The following VWC2 variants were observed in gnomAD, a reference collection of about 807,000 sequenced individuals.
The protein encoded by VWC2 is brorin.
In VWC2, 14 loss-of-function variants were observed where a neutral mutation model predicts 29.8. The ratio of observed to expected loss-of-function variants is 0.47; its 90% CI spans 0.31 to 0.74. The LOEUF (loss-of-function observed/expected upper bound fraction) is 0.74, where lower values mean the gene tolerates loss of function less well. Among genes scored for constraint, VWC2 ranks in the 30% least tolerant of loss-of-function variants. The pLI, the probability that VWC2 is intolerant of heterozygous loss-of-function variation, is 0.05. For missense variants in VWC2, 457 were observed against 459.8 expected, an observed-to-expected ratio of 0.99 and a Z score of 0.05; for synonymous variants, 213 against 199.0, an observed-to-expected ratio of 1.07 and a Z score of -0.59.
At chr7:49,827,044 A>G (rs1789410388) in intron 3 of VWC2, among the ~76,000 whole-genome samples, 1 of 152,134 alleles carries the variant, frequency 6.6e-6, no homozygotes, top group South Asian at 2.1e-4. Context: ...ATACATAAGA[A>G]TACACATTTC....
chr7:49,856,541 T>C (rs77905121), intron 3 of VWC2, among the ~76,000 whole-genome samples: 6,791 of 152,302 alleles, frequency 0.045, 149 homozygotes, highest in African/African-American at 0.055. Context: ...CAGCAGGATT[T>C]CCTTTTCCCC....
chr7:49,854,485 G>A (rs1790333012), intron 3 of VWC2, among the ~76,000 whole-genome samples: 1 of 152,126 alleles, frequency 6.6e-6, no homozygotes. Flanking sequence ...ATTTTTTCAT[G>A]TGTCTGTTGG....
At chr7:49,872,287 A>G (rs1791190382) in intron 3 of VWC2, among the ~76,000 whole-genome samples, 1 of 152,116 alleles carries the variant, frequency 6.6e-6, no homozygotes, top group Non-Finnish European at 1.5e-5. Flanking sequence ...GATTTTTGAG[A>G]AAAAAGTTAA....
intron 2 of VWC2, among the ~76,000 whole-genome samples, chr7:49,791,438 T>G (rs536297696): frequency 6.6e-6 from 1 of 152,360 alleles, no homozygotes; most frequent in Non-Finnish European, 1.5e-5. Flanking sequence ...AAGTGGTATG[T>G]GCAGACAGGG....
At chr7:49,779,585 A>AT (rs11454792) in intron 2 of VWC2, among the ~76,000 whole-genome samples, 54,947 of 147,828 alleles carry the variant, frequency 0.37, 10,608 homozygotes, top group African/African-American at 0.49. Flanking sequence ...CTATTGGCTT[A>AT]TTTTTTTTTT....
chr7:49,906,161 T>G (rs1583806944), intron 3 of VWC2, among the ~76,000 whole-genome samples: 1 of 152,164 alleles, frequency 6.6e-6, no homozygotes, highest in East Asian at 1.9e-4. Context: ...TGCTTTCACT[T>G]TACTCTATGG....
intron 3 of VWC2, among the ~76,000 whole-genome samples, chr7:49,866,096 TC>T (rs1790872473): frequency 1.3e-5 from 2 of 152,236 alleles, no homozygotes; most frequent in African/African-American, 4.8e-5. Flanking sequence ...GTTTCATTCT[TC>T]CATCCAGCAA....
chr7:49,802,390 C>A (rs2128705892), intron 2 of VWC2, among the ~76,000 whole-genome samples: 1 of 152,318 alleles, frequency 6.6e-6, no homozygotes, highest in Middle Eastern at 3.4e-3. Flanking sequence ...GTAATCCCAG[C>A]ACTTTGGGAG....
At position 49,775,769 on chromosome 7, in the gene VWC2, C is replaced by T. The variant is rs1336221759; in HGVS notation, c.334C>T (p.Arg112Trp). Residue 112 changes from arginine (R) to tryptophan (W), a missense_variant, in exon 2 of 4, where the codon CGG (arginine) becomes TGG (tryptophan). By Grantham distance (101) the Arg-to-Trp change is moderately radical. This residue lies in a region of VWC2 where 272 missense variants were observed against 202.7 expected (regional missense o/e 1.34). Coordinates refer to ENST00000340652, the MANE Select transcript of VWC2 (RefSeq NM_198570.5). ...GGAKAGDLQV[R>W]PRGDTPQAEA... ...CGCCAAGGCCGGGGATCTGCAGGTC[C>T]GGCCCCGCGGGGACACCCCGCAGGC... The T allele has an allele frequency of 6.6e-7, 1 of 1,517,056 alleles. No homozygotes were observed. The allele number at this position is 1,517,056 out of a possible 1,614,324, so 94.0% of individuals were successfully genotyped here.
Position 49,917,225 on chromosome 7 carries a change from G to A in VWC2, c.*5040G>A, listed in dbSNP as rs1793771504. 6.6e-6 allele frequency: 1 copy of A among 152,076 alleles called. No homozygotes were observed. Among genetic ancestry groups the A allele is most frequent in the African/African-American group, 2.4e-5 (1 of 41,424 alleles). The allele number at this position is 152,076 out of a possible 1,614,324, so 9.4% of individuals were successfully genotyped here. On this transcript the variant is annotated 3_prime_UTR_variant, in exon 4 of 4. Transcript: ENST00000340652. ...TAATCTGAATGATAACCATTTAAAAGTGATGGTTGTTGAAATTTTACTGTA... is the reference window on the plus strand; with the variant it reads ...TAATCTGAATGATAACCATTTAAAAATGATGGTTGTTGAAATTTTACTGTA...
intron 3 of VWC2, among the ~76,000 whole-genome samples, chr7:49,829,466 G>A (rs1295724948): frequency 2.0e-5 from 3 of 152,214 alleles, no homozygotes; most frequent in Non-Finnish European, 4.4e-5. Flanking sequence ...CCCCGGTTAA[G>A]ATTCTGGCAG....
At chr7:49,844,105 GGTGGATGAAT>G (rs1193717395) in intron 3 of VWC2, among the ~76,000 whole-genome samples, 7 of 152,212 alleles carry the variant, frequency 4.6e-5, no homozygotes, top group African/African-American at 1.7e-4. Context: ...GATGGCAACA[GGTGGATGAAT>G]GTGTGATGTT....
chr7:49,777,133 G>T (rs1468978001), intron 2 of VWC2, among the ~76,000 whole-genome samples: 1 of 152,190 alleles, frequency 6.6e-6, no homozygotes, highest in Admixed American at 6.5e-5. Context: ...ACACCTCAAG[G>T]TAGGTTCAAC....
At chr7:49,876,643 CTTG>C (rs1791423875) in intron 3 of VWC2, among the ~76,000 whole-genome samples, 1 of 152,040 alleles carries the variant, frequency 6.6e-6, no homozygotes, top group African/African-American at 2.4e-5. Flanking sequence ...GAAGAATTGC[CTTG>C]TTGTTTTTTA....
chr7:49,802,673 C>A (rs762785388), intron 2 of VWC2, 38 bp from the exon 3 acceptor site: 2 of 1,612,960 alleles, frequency 1.2e-6, no homozygotes, highest in Admixed American at 3.3e-5. Context: ...ATAAACATGA[C>A]AGCAGGCTAA....
intron 2 of VWC2, among the ~76,000 whole-genome samples, chr7:49,780,265 T>C (rs905362164): frequency 6.6e-6 from 1 of 152,224 alleles, no homozygotes; most frequent in Admixed American, 6.5e-5. Flanking sequence ...AGAGCTACTT[T>C]AGGAGTTCCT....
intron 2 of VWC2, among the ~76,000 whole-genome samples, chr7:49,798,398 A>T (rs1384608281): frequency 6.6e-6 from 1 of 152,244 alleles, no homozygotes; most frequent in African/African-American, 2.4e-5. Flanking sequence ...ATTGGCCCTG[A>T]TGACTGGGGA....
intron 3 of VWC2, among the ~76,000 whole-genome samples, chr7:49,856,057 G>A (rs1245946024): frequency 1.3e-5 from 2 of 152,166 alleles, no homozygotes; most frequent in African/African-American, 2.4e-5. Flanking sequence ...TGCCTTTCAG[G>A]GCTGATGTTC....
At chr7:49,782,503 C>T (rs1207569665) in intron 2 of VWC2, among the ~76,000 whole-genome samples, 6 of 151,476 alleles carry the variant, frequency 4.0e-5, no homozygotes, top group African/African-American at 1.5e-4. Context: ...TTATCCAGTG[C>T]TTCCCTGGAC....
Sources: allele counts gnomAD v4.1 joint callset (sites outside exome capture counted in the v4.1 genomes callset), GRCh38; gene constraint gnomAD v4.1.1; regional missense constraint gnomAD v4.1.1; transcripts MANE v1.5; gene names NCBI Gene and HGNC (gene_info 2026-07-23, HGNC 2026-07-21).